The following METTL15 variants were observed in gnomAD, a reference collection of about 807,000 sequenced individuals.
The protein encoded by METTL15 is 12S rRNA N(4)-cytidine methyltransferase METTL15.
A neutral mutation model predicts 38.3 loss-of-function variants in METTL15; 34 were observed. The observed-to-expected ratio is 0.89, with a 90% CI of 0.68 to 1.18. The LOEUF is 1.18. METTL15 is among the 50% of genes most tolerant of loss of function. The pLI is 0.00. For synonymous variants in METTL15, 162 were observed against 170.9 expected (o/e 0.95, Z 0.41); for missense variants, 438 against 498.4 (o/e 0.88, Z 1.15).
At chr11:28,233,191 A>T (rs1482462750) in intron 4 of METTL15, among the ~76,000 whole-genome samples, 1 of 152,084 alleles carries the variant, frequency 6.6e-6, no homozygotes, top group Non-Finnish European at 1.5e-5. Flanking sequence ...AGAGTGCACT[A>T]TAAATCAAGA....
At chr11:28,493,764 T>A (rs1261335651) in intron 6 of METTL15, among the ~76,000 whole-genome samples, 1 of 152,238 alleles carries the variant, frequency 6.6e-6, no homozygotes, top group Non-Finnish European at 1.5e-5. Context: ...TTCAACCTTT[T>A]TAGATTTGCA....
chr11:28,385,701 G>A (rs4450160), intron 5 of METTL15, among the ~76,000 whole-genome samples: 151,280 of 152,286 alleles, frequency 0.99, 75,151 homozygotes, highest in Middle Eastern at 1. Flanking sequence ...TGGTAGTTTG[G>A]TAGAAATAGC....
At chr11:28,377,555 T>C (rs1748988229) in intron 5 of METTL15, among the ~76,000 whole-genome samples, 1 of 151,452 alleles carries the variant, frequency 6.6e-6, no homozygotes, top group African/African-American at 2.4e-5. Flanking sequence ...TAGTTATACA[T>C]TCTTCTAAAT....
intron 3 of METTL15, among the ~76,000 whole-genome samples, chr11:28,162,792 T>C (rs961213303): frequency 6.6e-6 from 1 of 152,148 alleles, no homozygotes; most frequent in African/African-American, 2.4e-5. Flanking sequence ...GATTATCATG[T>C]AATTTATTGA....
At chr11:28,465,179 T>G (rs1268193978) in intron 6 of METTL15, among the ~76,000 whole-genome samples, 1 of 152,150 alleles carries the variant, frequency 6.6e-6, no homozygotes, top group Admixed American at 6.5e-5. Flanking sequence ...GATTAAGTCT[T>G]TCAACGGTAA....
At chr11:28,268,311 G>C (rs1855514684) in intron 4 of METTL15, among the ~76,000 whole-genome samples, 1 of 150,384 alleles carries the variant, frequency 6.6e-6, no homozygotes, top group African/African-American at 2.4e-5. Flanking sequence ...ATATTCATCA[G>C]TAACTTAAAT....
At chr11:28,320,448 T>TG (rs1849426670) in intron 6 of METTL15, among the ~76,000 whole-genome samples, 1 of 151,972 alleles carries the variant, frequency 6.6e-6, no homozygotes, top group South Asian at 2.1e-4. Context: ...TAGTCCCAGC[T>TG]ATTCAGGGGG....
chr11:28,207,981 C>G (rs1852436405), intron 3 of METTL15, among the ~76,000 whole-genome samples: 2 of 151,894 alleles, frequency 1.3e-5, no homozygotes, highest in Non-Finnish European at 2.9e-5. Context: ...TTTATTGCAT[C>G]TATTTGATTC....
In METTL15 at chr11:28,405,821, T is replaced by A. The variant is rs186078675; in HGVS notation, c.*359-18478T>A. ...TTGGAAATACATAGCCACTATTTTA[T>A]GAAGGATTATTGCTTTGGCATACCC... is the stretch of plus-strand genomic sequence containing the variant. On this transcript the variant is annotated intron_variant and NMD_transcript_variant, in intron 5 of 7. Coordinates refer to the METTL15 transcript ENST00000532947. 8.3e-4 allele frequency among the ~76,000 whole-genome samples: 126 copies of A among 152,294 alleles called. 2 individuals carry two copies. The South Asian group carries it at 0.011, about 13-fold the overall frequency.
rs1159567007 is a variant in METTL15 at position 28,206,104 on chromosome 11, T to C, written c.271-4958T>C. 2.0e-5 allele frequency among the ~76,000 whole-genome samples: 3 copies of C among 149,500 alleles called. No individual in the cohort carries two copies. The East Asian group carries it at 5.9e-4, about 30-fold the overall frequency. On this transcript the variant is annotated intron_variant, in intron 3 of 6. Transcript: ENST00000407364. Reference sequence around the variant, plus strand: ...TTTCTTTTGCTGTGCAGAAGCTCTTTAGTTTAATTAGATCCCATTTGTCAA... The same window carrying C: ...TTTCTTTTGCTGTGCAGAAGCTCTTCAGTTTAATTAGATCCCATTTGTCAA...
intron 6 of METTL15, among the ~76,000 whole-genome samples, chr11:28,434,952 A>G (rs1241810933): frequency 6.6e-6 from 1 of 152,234 alleles, no homozygotes; most frequent in Admixed American, 6.5e-5. Flanking sequence ...CAAATTTTCA[A>G]GCTTCTGCTG....
intron 3 of METTL15, among the ~76,000 whole-genome samples, chr11:28,194,122 A>ATCTATCTTTCTTTCTTTCTTTCTTTCTT (rs1554995563): frequency 4.0e-5 from 4 of 99,078 alleles, no homozygotes; most frequent in African/African-American, 1.6e-4. Context: ...TTGATGGTTG[A>ATCTATCTTTCTTTCTTTCTTTCTTTCTT]TCTTTCTTTC....
intron 6 of METTL15, among the ~76,000 whole-genome samples, chr11:28,441,953 C>T (rs1055477368): frequency 6.6e-6 from 1 of 152,150 alleles, no homozygotes; most frequent in Non-Finnish European, 1.5e-5. Context: ...TTCCAAGATG[C>T]TTTTTACACT....
chr11:28,330,969 T>G lies in METTL15; in HGVS notation c.*128T>G. Reference sequence around the variant, plus strand: ...TCTGAAAATTGATAGCATTTAGCATTTCTTTTTTCTCAAAAAGAAACTGTA... The same window carrying G: ...TCTGAAAATTGATAGCATTTAGCATGTCTTTTTTCTCAAAAAGAAACTGTA... On this transcript the variant is annotated 3_prime_UTR_variant, in exon 7 of 7. Coordinates refer to ENST00000407364, the MANE Select transcript of METTL15 (RefSeq NM_001113528.2). The G allele has an allele frequency of 1.5e-6, 1 of 649,710 alleles. No homozygotes were observed. Among genetic ancestry groups the G allele is most frequent in the South Asian group, 2.3e-5 (1 of 44,112 alleles). The allele number at this position is 649,710 out of a possible 1,614,324, so 40.2% of individuals were successfully genotyped here.
chr11:28,434,706 G>A (rs1038239346), intron 6 of METTL15, among the ~76,000 whole-genome samples: 7 of 152,182 alleles, frequency 4.6e-5, no homozygotes, highest in African/African-American at 1.4e-4. Context: ...ATTATTTCTT[G>A]TGGGTCTACT....
At chr11:28,274,919 A>G (rs1222883727) in intron 4 of METTL15, among the ~76,000 whole-genome samples, 1 of 151,674 alleles carries the variant, frequency 6.6e-6, no homozygotes, top group Non-Finnish European at 1.5e-5. Context: ...CATGTACCCT[A>G]GAACTTAAAG....
chr11:28,303,445 G>T (rs183855028), intron 6 of METTL15, among the ~76,000 whole-genome samples: 33 of 152,188 alleles, frequency 2.2e-4, no homozygotes, highest in African/African-American at 7.5e-4. Flanking sequence ...AGATCATTGA[G>T]ATTTAGGTTA....
intron 4 of METTL15, among the ~76,000 whole-genome samples, chr11:28,288,479 G>A (rs1856377543): frequency 6.6e-6 from 1 of 152,172 alleles, no homozygotes; most frequent in African/African-American, 2.4e-5. Flanking sequence ...ATACTAAGCA[G>A]CCATAAAACA....
At chr11:28,225,378 G>A (rs1176937402) in intron 4 of METTL15, among the ~76,000 whole-genome samples, 1 of 151,812 alleles carries the variant, frequency 6.6e-6, no homozygotes, top group African/African-American at 2.4e-5. Flanking sequence ...AGATAAATAT[G>A]CAGAAAGGAT....
Sources: gnomAD v4.1 joint callset for allele counts (sites outside exome capture counted in the v4.1 genomes callset) on GRCh38, gnomAD v4.1.1 for gene constraint, MANE v1.5 for transcripts, NCBI Gene and HGNC (gene_info 2026-07-23, HGNC 2026-07-21) for gene names.